Variants in KCNC2 observed in about 807,000 individuals in gnomAD.
KCNC2 encodes potassium voltage-gated channel subfamily C member 2, also known as voltage-gated potassium channel KCNC2.
Under a neutral mutation model 44.5 loss-of-function variants are expected in KCNC2, and 21 were observed. The observed-to-expected ratio is 0.47, with a 90% CI of 0.33 to 0.68. The LOEUF is 0.68. Ranked by LOEUF, KCNC2 falls within the 30% of genes least tolerant of loss-of-function variation. KCNC2 has a pLI of 0.01. For missense variants in KCNC2, 589 were observed against 826.2 expected (o/e 0.71, Z 3.52); for synonymous variants, 391 against 339.1 (o/e 1.15, Z -1.68).
At chr12:75,074,841 T>C (rs1345806928) in intron 2 of KCNC2, among the ~76,000 whole-genome samples, 3 of 152,080 alleles carry the variant, frequency 2.0e-5, no homozygotes, top group Non-Finnish European at 2.9e-5. Flanking sequence ...GCTATAACAG[T>C]GTAATAAGTG....
At chr12:75,184,145 A>G (rs2137664674) in intron 2 of KCNC2, among the ~76,000 whole-genome samples, 1 of 152,142 alleles carries the variant, frequency 6.6e-6, no homozygotes, top group East Asian at 1.9e-4. Context: ...TATAACACTT[A>G]TATTTGATAG....
chr12:75,091,452 T>C (rs2137130668), intron 2 of KCNC2, among the ~76,000 whole-genome samples: 1 of 151,792 alleles, frequency 6.6e-6, no homozygotes, highest in Non-Finnish European at 1.5e-5. Context: ...GAATTTCAGC[T>C]TTCTTCGTAC....
chr12:75,101,808 A>G (rs1008069292), intron 2 of KCNC2, among the ~76,000 whole-genome samples: 1 of 152,130 alleles, frequency 6.6e-6, no homozygotes, highest in African/African-American at 2.4e-5. Flanking sequence ...AATTGCATAT[A>G]TACATTCCTC....
In KCNC2 at chr12:75,040,401, T is replaced by C. The variant is rs1235270554; in HGVS notation, c.*2704A>G. On this transcript the variant is annotated 3_prime_UTR_variant, in exon 5 of 5. Coordinates refer to ENST00000549446, the MANE Select transcript of KCNC2 (RefSeq NM_139137.4). ...CAAAAAAGTAATTGATTAAAGAATA[T>C]CTCTTTTATGCAAAATATACATTTT... is the stretch of plus-strand genomic sequence containing the variant. 1 of 152,412 alleles carries C rather than the reference T, an allele frequency of 6.6e-6. No homozygotes were observed. Among genetic ancestry groups the C allele is most frequent in the Non-Finnish European group, 1.5e-5 (1 of 67,972 alleles). 9.4% of individuals were successfully genotyped at this position (152,412 alleles called of 1,614,324 possible).
chr12:75,146,628 T>G (rs368607864), intron 2 of KCNC2, among the ~76,000 whole-genome samples: 18 of 152,228 alleles, frequency 1.2e-4, no homozygotes, highest in Admixed American at 5.9e-4. Context: ...TGCATGAATT[T>G]CTCAAGGATA....
At chr12:75,090,624 T>C (rs1299856871) in intron 2 of KCNC2, among the ~76,000 whole-genome samples, 1 of 151,716 alleles carries the variant, frequency 6.6e-6, no homozygotes, top group Non-Finnish European at 1.5e-5. Context: ...GAACCAATTG[T>C]TAGAAGCCTT....
At chr12:75,205,534 A>T (rs1221515868) in intron 2 of KCNC2, among the ~76,000 whole-genome samples, 1 of 152,206 alleles carries the variant, frequency 6.6e-6, no homozygotes, top group Non-Finnish European at 1.5e-5. Context: ...ATTTCATGGC[A>T]ATGATAAAAG....
At chr12:75,049,197 ACTTCAG>A (rs1296370367) in intron 3 of KCNC2, among the ~76,000 whole-genome samples, 1 of 152,088 alleles carries the variant, frequency 6.6e-6, no homozygotes, top group Non-Finnish European at 1.5e-5. Context: ...ACACTTACAA[ACTTCAG>A]CTCCAGCCAC....
At position 75,043,341 on chromosome 12, in the gene KCNC2, AAAG is replaced by A. The variant is rs1296627942; in HGVS notation, c.1781-103_1781-101del. The A allele has an allele frequency of 2.0e-6, 3 of 1,478,124 alleles. No individual in the cohort carries two copies. The Admixed American group carries it at 7.4e-5, about 37-fold the overall frequency. 91.6% of individuals were successfully genotyped at this position (1,478,124 alleles called of 1,614,324 possible). On this transcript the variant is annotated intron_variant, in intron 4 of 4. Coordinates refer to ENST00000549446, the MANE Select transcript of KCNC2 (RefSeq NM_139137.4). ...AATCAAAAGTGCTACTTTCAAGCTC[AAAG>A]AAGAATTTGTTTACAAAGAATTTAA...
intron 2 of KCNC2, among the ~76,000 whole-genome samples, chr12:75,192,775 T>C (rs1404065366): frequency 6.6e-6 from 1 of 152,136 alleles, no homozygotes; most frequent in African/African-American, 2.4e-5. Flanking sequence ...AAATACATCA[T>C]TGTAGGCAAG....
chr12:75,098,756 TTAAATAAA>T (rs34518617), intron 2 of KCNC2, among the ~76,000 whole-genome samples: 19 of 145,674 alleles, frequency 1.3e-4, no homozygotes, highest in Admixed American at 2.1e-4. Context: ...AGACTCTGTC[TTAAATAAA>T]TAAATAAATA....
chr12:75,074,454 G>C (rs1883727775), intron 2 of KCNC2, among the ~76,000 whole-genome samples: 1 of 151,998 alleles, frequency 6.6e-6, no homozygotes, highest in Non-Finnish European at 1.5e-5. Context: ...TCTGCTACCT[G>C]ATCAATTCTA....
chr12:75,185,424 T>C (rs1419495922), intron 2 of KCNC2, among the ~76,000 whole-genome samples: 2 of 152,138 alleles, frequency 1.3e-5, no homozygotes, highest in African/African-American at 4.8e-5. Context: ...CATGGGCGCA[T>C]GACCTGCATG....
chr12:75,187,638 G>C (rs1031088610), intron 2 of KCNC2, among the ~76,000 whole-genome samples: 17 of 152,200 alleles, frequency 1.1e-4, no homozygotes, highest in African/African-American at 3.9e-4. Flanking sequence ...GTGGTGGCCA[G>C]AAGCAACCTT....
intron 2 of KCNC2, among the ~76,000 whole-genome samples, chr12:75,054,248 C>G (rs1254661894): frequency 6.6e-6 from 1 of 151,030 alleles, no homozygotes; most frequent in Non-Finnish European, 1.5e-5. Flanking sequence ...AAAAAAACAG[C>G]CAGAGAGGCA....
At chr12:75,121,059 T>C (rs1013398919) in intron 2 of KCNC2, among the ~76,000 whole-genome samples, 3 of 152,234 alleles carry the variant, frequency 2.0e-5, no homozygotes, top group Admixed American at 1.3e-4. Flanking sequence ...ATGCTAGGAC[T>C]GGCCTTGGTA....
At chr12:75,145,679 T>C (rs1007144781) in intron 2 of KCNC2, among the ~76,000 whole-genome samples, 1 of 152,154 alleles carries the variant, frequency 6.6e-6, no homozygotes, top group African/African-American at 2.4e-5. Context: ...TCAAGGATAG[T>C]AGAAAGATAA....
intron 2 of KCNC2, among the ~76,000 whole-genome samples, chr12:75,200,425 CTAATA>C (rs1196179480): frequency 6.6e-6 from 1 of 151,734 alleles, no homozygotes; most frequent in Non-Finnish European, 1.5e-5. Context: ...ACCAATTTCA[CTAATA>C]TAATATATAT....
chr12:75,208,014 C>G lies in KCNC2; in HGVS notation c.-19-12G>C, dbSNP rs1360383568. ...TGACTCAGACATGACTAGGGGGAGG[C>G]AAACACAGCGCCGAGTTAAAGATCT... On this transcript the variant is annotated splice_polypyrimidine_tract_variant and intron_variant, in intron 1 of 4. Coordinates refer to ENST00000549446, the MANE Select transcript of KCNC2 (RefSeq NM_139137.4). The G allele has an allele frequency of 3.7e-6, 6 of 1,609,606 alleles. No homozygotes were observed. The highest frequency in any genetic ancestry group is 5.1e-6 in the Non-Finnish European group (6 of 1,178,984).
Sources: allele counts gnomAD v4.1 joint callset (sites outside exome capture counted in the v4.1 genomes callset), GRCh38; gene constraint gnomAD v4.1.1; transcripts MANE v1.5; gene names NCBI Gene and HGNC (gene_info 2026-07-23, HGNC 2026-07-21).